Variants in MAPK10 observed in about 807,000 individuals in gnomAD.
The protein encoded by MAPK10 is JNK3 alpha protein kinase.
In MAPK10, 25 loss-of-function variants were observed where a neutral mutation model predicts 59.3. The observed-to-expected ratio is 0.42, with a 90% CI of 0.31 to 0.59. The LOEUF (loss-of-function observed/expected upper bound fraction) is 0.59. Among genes scored for constraint, MAPK10 ranks in the 20% least tolerant of loss-of-function variants. MAPK10 has a pLI of 0.15. For missense variants in MAPK10, 351 were observed against 568.9 expected (o/e 0.62, Z 3.90); for synonymous variants, 190 against 200.5 (o/e 0.95, Z 0.44).
At chr4:86,385,027 A>G (rs1489360460) in intron 1 of MAPK10, among the ~76,000 whole-genome samples, 1 of 152,140 alleles carries the variant, frequency 6.6e-6, no homozygotes, top group Non-Finnish European at 1.5e-5. Flanking sequence ...TCTTATATAT[A>G]TAATGCTCTT....
intron 2 of MAPK10, among the ~76,000 whole-genome samples, chr4:86,201,610 C>A (rs1018453367): frequency 6.6e-6 from 1 of 151,786 alleles, no homozygotes; most frequent in African/African-American, 2.4e-5. Flanking sequence ...GTTAGAGACA[C>A]GCATTACAAA....
At position 86,267,966 on chromosome 4, in the gene MAPK10, T is replaced by C. The variant is rs1021292540; in HGVS notation, c.-6-73559A>G. Among the ~76,000 whole-genome samples, 7 of 152,336 alleles carry C rather than the reference T, an allele frequency of 4.6e-5. 1 individual carries two copies. Among genetic ancestry groups the C allele is most frequent in the African/African-American group, 1.7e-4 (7 of 41,584 alleles). On this transcript the variant is annotated intron_variant, in intron 2 of 13. Transcript: ENST00000641462. ...TAAATTATTTGGAAGCAAGTCTCTC[T>C]ATTTTCTTTTTAGTGTTTTCCTAAC...
intron 1 of MAPK10, among the ~76,000 whole-genome samples, chr4:86,546,037 G>A (rs1279495850): frequency 1.3e-5 from 2 of 151,734 alleles, no homozygotes; most frequent in Non-Finnish European, 2.9e-5. Context: ...GACTGCCTGA[G>A]CTCAGGAGTT....
At position 86,360,029 on chromosome 4, in the gene MAPK10, A is replaced by C. The variant is rs1483193124; in HGVS notation, c.-493T>G. 2.0e-6 allele frequency: 2 copies of C among 985,796 alleles called. No individual in the cohort carries two copies. Among genetic ancestry groups the C allele is most frequent in the Non-Finnish European group, 2.4e-6 (2 of 829,980 alleles). 61.1% of individuals were successfully genotyped at this position (985,796 alleles called of 1,614,324 possible). A position where few individuals can be genotyped will look rare whatever the true frequency, so the allele number is the denominator to read the frequency against. The stretch of plus-strand genomic sequence containing the variant: ...TTTCACTGCCTGGAAACCATTGTGC[A>C]GCGTGATGCTGCCTGTACCATTGTG... On this transcript the variant is annotated 5_prime_UTR_variant, in exon 1 of 14. Transcript: ENST00000641462.
intron 1 of MAPK10, among the ~76,000 whole-genome samples, chr4:86,445,515 T>C (rs1749930395): frequency 6.6e-6 from 1 of 152,096 alleles, no homozygotes; most frequent in Admixed American, 6.6e-5. Context: ...TGGCACACAT[T>C]TACCTATGTA....
chr4:86,202,847 T>A (rs377237538), intron 2 of MAPK10, among the ~76,000 whole-genome samples: 104 of 152,098 alleles, frequency 6.8e-4, no homozygotes, highest in African/African-American at 2.4e-3. Flanking sequence ...TGTAACACCA[T>A]AGCTAAAAAT....
At chr4:86,430,121 G>T (rs2149040070) in intron 1 of MAPK10, among the ~76,000 whole-genome samples, 1 of 152,242 alleles carries the variant, frequency 6.6e-6, no homozygotes. Flanking sequence ...AATGATGAAA[G>T]AATGCACTCC....
chr4:86,200,563 A>G (rs1202479415), intron 2 of MAPK10, among the ~76,000 whole-genome samples: 1 of 151,922 alleles, frequency 6.6e-6, no homozygotes, highest in East Asian at 1.9e-4. Flanking sequence ...TGGATAGTTG[A>G]GATGTGTCTA....
chr4:86,336,228 A>G (rs1721252814), intron 2 of MAPK10: 1 of 132,294 alleles, frequency 7.6e-6, no homozygotes, highest in South Asian at 3.0e-4. Context: ...AGGAGGGATA[A>G]CACAAAAATG....
intron 1 of MAPK10, among the ~76,000 whole-genome samples, chr4:86,400,499 G>A (rs546655842): frequency 6.6e-6 from 1 of 151,684 alleles, no homozygotes. Context: ...ATTTGGAATG[G>A]TAAGTTACCA....
chr4:86,179,487 A>G (rs1316342396), intron 3 of MAPK10, among the ~76,000 whole-genome samples: 5 of 152,070 alleles, frequency 3.3e-5, no homozygotes, highest in Non-Finnish European at 5.9e-5. Flanking sequence ...CATTCTTCCC[A>G]GGAAAAAAAA....
At chr4:86,472,846 T>C (rs932323848) in intron 1 of MAPK10, among the ~76,000 whole-genome samples, 1 of 152,246 alleles carries the variant, frequency 6.6e-6, no homozygotes, top group Admixed American at 6.5e-5. Context: ...TTTGTAACTC[T>C]ACTTCATCCT....
intron 1 of MAPK10, among the ~76,000 whole-genome samples, chr4:86,578,891 T>C (rs1762076935): frequency 6.6e-6 from 1 of 152,084 alleles, no homozygotes; most frequent in African/African-American, 2.4e-5. Context: ...GGAAGATAGA[T>C]TACCAACTCT....
At position 86,089,528 on chromosome 4, in the gene MAPK10, T is replaced by A. The variant is rs139599057; in HGVS notation, c.802+8996A>T. ...TACCTAATGTAGAATAATATTACTT[T>A]GCAATTATAACTCAATGATTAATTT... On this transcript the variant is annotated intron_variant, in intron 9 of 13. Coordinates refer to ENST00000641462, the MANE Select transcript of MAPK10 (RefSeq NM_138982.4). The A allele has an allele frequency of 3.7e-4, 135 of 367,170 alleles. 1 individual carries two copies. The highest frequency in any genetic ancestry group is 2.3e-4 in the Non-Finnish European group (48 of 204,754). The allele number at this position is 367,170 out of a possible 1,614,324, so 22.7% of individuals were successfully genotyped here. A position where few individuals can be genotyped will look rare whatever the true frequency, so the allele number is the denominator to read the frequency against.
intron 3 of MAPK10, among the ~76,000 whole-genome samples, chr4:86,166,545 C>T (rs890240902): frequency 1.3e-5 from 2 of 152,052 alleles, no homozygotes; most frequent in African/African-American, 4.8e-5. Flanking sequence ...CAAAAGTTGG[C>T]CTAGCTCCTA....
chr4:86,486,769 T>A (rs199987233), intron 1 of MAPK10, among the ~76,000 whole-genome samples: 2 of 152,196 alleles, frequency 1.3e-5, no homozygotes, highest in Non-Finnish European at 2.9e-5. Flanking sequence ...CCCCACAGAT[T>A]GTTTAGTGGT....
chr4:86,318,542 T>A (rs574686206), intron 2 of MAPK10, among the ~76,000 whole-genome samples: 1 of 152,176 alleles, frequency 6.6e-6, no homozygotes, highest in Admixed American at 6.6e-5. Context: ...GAAAGCTAAA[T>A]AATATAATAA....
At chr4:86,557,138 G>A (rs1176933178) in intron 1 of MAPK10, among the ~76,000 whole-genome samples, 2 of 151,926 alleles carry the variant, frequency 1.3e-5, no homozygotes, top group Non-Finnish European at 2.9e-5. Flanking sequence ...AAAAAAAAAT[G>A]AGTAAAAAAG....
At chr4:86,534,339 C>A (rs1049499185) in intron 1 of MAPK10, among the ~76,000 whole-genome samples, 1 of 151,790 alleles carries the variant, frequency 6.6e-6, no homozygotes, top group Admixed American at 6.6e-5. Context: ...TTCTGCTTGC[C>A]TAAGTTCCCA....
Sources: allele counts gnomAD v4.1 joint callset (sites outside exome capture counted in the v4.1 genomes callset), GRCh38; gene constraint gnomAD v4.1.1; transcripts MANE v1.5; gene names NCBI Gene and HGNC (gene_info 2026-07-23, HGNC 2026-07-21).